Variants in LRP1B observed in about 807,000 individuals in gnomAD.
The protein encoded by LRP1B is low-density lipoprotein receptor-related protein 1B.
In LRP1B, 217 loss-of-function variants were observed where a neutral mutation model predicts 556.6. The observed-to-expected ratio is 0.39, with a 90% CI of 0.35 to 0.44. The LOEUF (loss-of-function observed/expected upper bound fraction) is 0.44. LRP1B is among the 20% of genes least tolerant of loss of function. The pLI is 1.00. For synonymous variants in LRP1B, 2,047 were observed against 1,865.8 expected (o/e 1.10, Z -2.50); for missense variants, 5,053 against 5,620.8 (o/e 0.90, Z 3.23).
Position 141,020,058 on chromosome 2 carries a change from T to G in LRP1B, c.1834A>C (p.Asn612His), listed in dbSNP as rs1698021113. 6.2e-7 allele frequency: 1 copy of G among 1,610,942 alleles called. No homozygotes were observed. Among genetic ancestry groups the G allele is most frequent in the Non-Finnish European group, 8.5e-7 (1 of 1,178,092 alleles). ...TGGCCATCATTGGTCCAGTAAAGAT[T>G]ATTTCCAATCCAGTCCACAGCAATG... ...EGIAVDWIGN[N>H]LYWTNDGHRK... Residue 612 changes from asparagine (N) to histidine (H), a missense_variant, in exon 12 of 91, where the codon AAT becomes CAT. Around this residue, in one of 5 missense-constraint regions of LRP1B, gnomAD observed 3,619 missense variants for 3,931.9 expected, o/e 0.92. Transcript: ENST00000389484.
chr2:141,393,696 A>G (rs1435938859), intron 3 of LRP1B, among the ~76,000 whole-genome samples: 1 of 152,158 alleles, frequency 6.6e-6, no homozygotes, highest in African/African-American at 2.4e-5. Context: ...TATAATGTAT[A>G]CTGTAGTTTG....
At chr2:141,095,959 A>G (rs1700288426) in intron 7 of LRP1B, among the ~76,000 whole-genome samples, 1 of 152,058 alleles carries the variant, frequency 6.6e-6, no homozygotes, top group Non-Finnish European at 1.5e-5. Flanking sequence ...CATTCCCCAA[A>G]CTATTCTACT....
intron 1 of LRP1B, among the ~76,000 whole-genome samples, chr2:141,964,717 A>G (rs998303802): frequency 6.6e-6 from 1 of 151,350 alleles, no homozygotes; most frequent in Non-Finnish European, 1.5e-5. Context: ...ACCAAAAGCA[A>G]TGGCAACCAA....
intron 84 of LRP1B, among the ~76,000 whole-genome samples, chr2:140,284,905 TAC>T (rs1683071241): frequency 2.9e-5 from 3 of 103,374 alleles, no homozygotes; most frequent in Admixed American, 2.0e-4. Context: ...GATATCTATA[TAC>T]CTATATACCT....
At chr2:140,269,450 C>A in intron 86 of LRP1B, 1 of 453,832 alleles carries the variant, frequency 2.2e-6, no homozygotes, top group East Asian at 7.0e-5. Context: ...GTTTTAAATT[C>A]ATTTCATACA....
intron 1 of LRP1B, among the ~76,000 whole-genome samples, chr2:142,096,472 T>C (rs953828500): frequency 1.3e-5 from 2 of 150,994 alleles, no homozygotes; most frequent in Non-Finnish European, 3.0e-5. Context: ...ATTCTTCCAA[T>C]GTGATATTAA....
chr2:140,685,208 A>G (rs76326805), intron 41 of LRP1B, among the ~76,000 whole-genome samples: 198 of 152,304 alleles, frequency 1.3e-3, no homozygotes, highest in African/African-American at 4.6e-3. Flanking sequence ...TTCAAAATAT[A>G]TGTATGCTAT....
At chr2:141,725,146 A>C (rs1004806078) in intron 2 of LRP1B, among the ~76,000 whole-genome samples, 1 of 151,958 alleles carries the variant, frequency 6.6e-6, no homozygotes, top group African/African-American at 2.4e-5. Flanking sequence ...GAACTTTGTA[A>C]GGTGTATTTT....
intron 31 of LRP1B, among the ~76,000 whole-genome samples, chr2:140,837,586 A>G (rs1397060296): frequency 1.3e-5 from 2 of 148,298 alleles, no homozygotes; most frequent in African/African-American, 5.1e-5. Context: ...TGAATGTTCA[A>G]TCATCATCCT....
At chr2:141,687,546 T>A (rs1691357373) in intron 2 of LRP1B, among the ~76,000 whole-genome samples, 1 of 152,038 alleles carries the variant, frequency 6.6e-6, no homozygotes, top group Non-Finnish European at 1.5e-5. Context: ...AGCTGTTGGT[T>A]CTTGACCACA....
chr2:141,777,165 C>G (rs1435589508), intron 2 of LRP1B, among the ~76,000 whole-genome samples: 1 of 152,144 alleles, frequency 6.6e-6, no homozygotes, highest in Non-Finnish European at 1.5e-5. Context: ...TAATCACAAA[C>G]AGTACAGATA....
At chr2:140,701,897 A>C in intron 39 of LRP1B, 52 bp from the exon 40 acceptor site, 1 of 1,607,664 alleles carries the variant, frequency 6.2e-7, no homozygotes, top group Non-Finnish European at 8.5e-7. Flanking sequence ...AATTAAAGTC[A>C]AGCCAGTTAC....
intron 1 of LRP1B, among the ~76,000 whole-genome samples, chr2:141,836,471 C>G (rs1461093330): frequency 1.3e-5 from 2 of 151,490 alleles, no homozygotes; most frequent in African/African-American, 2.4e-5. Context: ...CTAAGACTGC[C>G]CAGTGTTTTA....
intron 6 of LRP1B, among the ~76,000 whole-genome samples, chr2:141,190,865 T>C (rs1370263824): frequency 6.6e-6 from 1 of 151,958 alleles, no homozygotes; most frequent in Non-Finnish European, 1.5e-5. Flanking sequence ...AAATAGCAGG[T>C]TGAAGAAGGG....
intron 2 of LRP1B, among the ~76,000 whole-genome samples, chr2:141,782,176 G>C (rs1458166957): frequency 1.3e-5 from 2 of 152,096 alleles, no homozygotes; most frequent in East Asian, 1.9e-4. Context: ...TTACCAACAT[G>C]ATGTACTTGC....
intron 41 of LRP1B, among the ~76,000 whole-genome samples, chr2:140,621,129 C>T (rs1683434847): frequency 6.6e-6 from 1 of 151,702 alleles, no homozygotes; most frequent in African/African-American, 2.4e-5. Context: ...CATCTGGAAT[C>T]CCAGCACTTT....
intron 21 of LRP1B, among the ~76,000 whole-genome samples, chr2:140,914,756 G>A (rs1301270064): frequency 6.6e-6 from 1 of 152,168 alleles, no homozygotes; most frequent in Non-Finnish European, 1.5e-5. Flanking sequence ...TAAATGCCAT[G>A]TGGCTAAAGA....
At chr2:142,063,422 G>T (rs1704991827) in intron 1 of LRP1B, among the ~76,000 whole-genome samples, 1 of 151,544 alleles carries the variant, frequency 6.6e-6, no homozygotes, top group Non-Finnish European at 1.5e-5. Context: ...CTGCTAATGA[G>T]TAGCACTGAA....
chr2:141,562,724 C>T (rs911817609), intron 2 of LRP1B, among the ~76,000 whole-genome samples: 8 of 151,830 alleles, frequency 5.3e-5, no homozygotes, highest in African/African-American at 1.5e-4. Flanking sequence ...GATGTATGAG[C>T]GTGCTTAAGA....
Sources: allele counts gnomAD v4.1 joint callset (sites outside exome capture counted in the v4.1 genomes callset), GRCh38; gene constraint gnomAD v4.1.1; regional missense constraint gnomAD v4.1.1; transcripts MANE v1.5; gene names NCBI Gene and HGNC (gene_info 2026-07-23, HGNC 2026-07-21).